Variants in ARID4A observed in about 807,000 individuals in gnomAD.
ARID4A encodes the protein AT-rich interaction domain 4A, also known as AT-rich interactive domain-containing protein 4A.
Under a neutral mutation model 148.6 loss-of-function variants are expected in ARID4A, and 39 were observed. That is an observed-to-expected ratio of 0.26 (90% CI 0.20 to 0.34). The LOEUF (loss-of-function observed/expected upper bound fraction) is 0.34, where lower values mean the gene tolerates loss of function less well. ARID4A is among the 10% of genes least tolerant of loss of function. The pLI, the probability that ARID4A is intolerant of heterozygous loss-of-function variation, is 1.00. For missense variants in ARID4A, 1,265 were observed against 1,449.1 expected, an observed-to-expected ratio of 0.87 and a Z score of 2.06; for synonymous variants, 475 against 481.2, an observed-to-expected ratio of 0.99 and a Z score of 0.17.
chr14:58,354,194 T>C (rs980483659), intron 17 of ARID4A, among the ~76,000 whole-genome samples: 1 of 152,178 alleles, frequency 6.6e-6, no homozygotes, highest in Non-Finnish European at 1.5e-5. Flanking sequence ...GGGAAAACAA[T>C]AATTCATAAT....
chr14:58,352,290 A>G (rs1477104014), intron 16 of ARID4A, among the ~76,000 whole-genome samples: 1 of 152,142 alleles, frequency 6.6e-6, no homozygotes, highest in Non-Finnish European at 1.5e-5. Context: ...ATTACATATG[A>G]CCTAGGTTAG....
At chr14:58,318,210 T>G (rs980866556) in intron 5 of ARID4A, among the ~76,000 whole-genome samples, 3 of 152,192 alleles carry the variant, frequency 2.0e-5, no homozygotes, top group African/African-American at 7.2e-5. Flanking sequence ...TAATCAGGTT[T>G]TTGTTCATTC....
chr14:58,362,860 C>A lies in ARID4A; in HGVS notation c.2081-1310C>A, dbSNP rs575098949. On this transcript the variant is annotated intron_variant, in intron 19 of 23. Transcript: ENST00000355431. Reference sequence around the variant, plus strand: ...GGTGTGAGCCACTGTGCCCGGCCACCAAAAAAGAAATTTTAAATGGTTGTC... The same window carrying A: ...GGTGTGAGCCACTGTGCCCGGCCACAAAAAAAGAAATTTTAAATGGTTGTC... Among the ~76,000 whole-genome samples, 483 of 152,040 alleles carry A rather than the reference C, an allele frequency of 3.2e-3. 2 individuals carry two copies. The highest frequency in any genetic ancestry group is 0.011 in the African/African-American group (461 of 41,476).
chr14:58,313,413 T>G (rs1004844201), intron 5 of ARID4A, among the ~76,000 whole-genome samples: 1 of 152,174 alleles, frequency 6.6e-6, no homozygotes, highest in African/African-American at 2.4e-5. Context: ...TCACAGGCAT[T>G]TGCGCTCCTA....
At chr14:58,360,630 T>C (rs1399045005) in intron 18 of ARID4A, among the ~76,000 whole-genome samples, 1 of 152,198 alleles carries the variant, frequency 6.6e-6, no homozygotes, top group Non-Finnish European at 1.5e-5. Context: ...TATTACAAAT[T>C]GTACAATATT....
chr14:58,329,064 A>C (rs2033375693), intron 9 of ARID4A, among the ~76,000 whole-genome samples: 1 of 152,186 alleles, frequency 6.6e-6, no homozygotes, highest in Admixed American at 6.5e-5. Context: ...AAAACAGTGA[A>C]ATTAAAAAAG....
At chr14:58,320,050 C>T (rs2032760563) in intron 7 of ARID4A, among the ~76,000 whole-genome samples, 2 of 147,424 alleles carry the variant, frequency 1.4e-5, no homozygotes, top group Non-Finnish European at 1.5e-5. Context: ...CAGGTTCAAA[C>T]GATTCTCCTG....
chr14:58,318,932 A>C, intron 7 of ARID4A, 127 bp downstream of exon 7: 1 of 707,296 alleles, frequency 1.4e-6, no homozygotes. Flanking sequence ...TATGTTAGAC[A>C]TTTTACCCTG....
chr14:58,328,202 A>T (rs1360624929), intron 8 of ARID4A, 35 bp from the exon 9 acceptor site: 9 of 1,417,874 alleles, frequency 6.3e-6, no homozygotes, highest in Non-Finnish European at 9.0e-6. Context: ...GAGCACAGGA[A>T]ATAGGAATCA....
At chr14:58,318,862 G>A (rs2032651165) in intron 7 of ARID4A, 57 bp downstream of exon 7, 3 of 1,424,022 alleles carry the variant, frequency 2.1e-6, no homozygotes, top group African/African-American at 1.4e-5. Context: ...CCTTAAACAA[G>A]GGATTTTGTT....
At chr14:58,347,971 A>ACCT in intron 15 of ARID4A, 93 bp downstream of exon 15, 1 of 833,186 alleles carries the variant, frequency 1.2e-6, no homozygotes, top group South Asian at 2.0e-5. Context: ...TACTACAGTG[A>ACCT]ACCTAGTTTA....
chr14:58,304,130 A>G (rs762268316), intron 3 of ARID4A, among the ~76,000 whole-genome samples: 12 of 151,886 alleles, frequency 7.9e-5, no homozygotes, highest in Admixed American at 2.0e-4. Context: ...AGATGTATCT[A>G]TGATTATTAT....
chr14:58,349,075 C>G (rs894605000), intron 15 of ARID4A, among the ~76,000 whole-genome samples: 1 of 152,102 alleles, frequency 6.6e-6, no homozygotes, highest in Non-Finnish European at 1.5e-5. Context: ...ATTTGATATT[C>G]TAGGTACTTT....
intron 7 of ARID4A, among the ~76,000 whole-genome samples, chr14:58,321,259 CAGTT>C (rs976880944): frequency 3.9e-5 from 6 of 152,196 alleles, no homozygotes; most frequent in Non-Finnish European, 7.3e-5. Context: ...TTGCCTGAAT[CAGTT>C]AGTACTATTA....
rs2031834826 is a variant in ARID4A at position 58,309,222 on chromosome 14, CTT to C, written c.274+3111_274+3112del. On this transcript the variant is annotated intron_variant, in intron 5 of 23. Coordinates refer to ENST00000355431, the MANE Select transcript of ARID4A (RefSeq NM_002892.4). The stretch of plus-strand genomic sequence containing the variant: ...CCCTGAATTCCTGGGCTCAAGCAGT[CTT>C]ACCGCCTTAGCCTCCCAAAGTGTTG... Among the ~76,000 whole-genome samples, 5 of 152,204 alleles carry C rather than the reference CTT, an allele frequency of 3.3e-5. 1 individual carries two copies. In the South Asian group the frequency reaches 1.0e-3, roughly 31 times the overall value.
chr14:58,360,879 A>G (rs532827019), intron 18 of ARID4A, 22 bp from the exon 19 acceptor site: 1 of 1,611,298 alleles, frequency 6.2e-7, no homozygotes, highest in African/African-American at 1.3e-5. Flanking sequence ...CCCTTCTCAT[A>G]CATTTTGTTG....
intron 2 of ARID4A, among the ~76,000 whole-genome samples, chr14:58,300,604 A>G (rs1010833073): frequency 2.6e-5 from 4 of 152,214 alleles, no homozygotes; most frequent in Non-Finnish European, 5.9e-5. Flanking sequence ...GCTCTGAAAT[A>G]TAGCATTTTC....
At chr14:58,318,352 CTG>C (rs1467371778) in intron 5 of ARID4A, among the ~76,000 whole-genome samples, 188 bp from the exon 6 acceptor site, 2 of 152,138 alleles carry the variant, frequency 1.3e-5, no homozygotes, top group Non-Finnish European at 2.9e-5. Flanking sequence ...GCCATTTAAC[CTG>C]TGTTTTTGGT....
chr14:58,371,711 C>T (rs947033368), intron 23 of ARID4A, among the ~76,000 whole-genome samples, 175 bp from the exon 24 acceptor site: 1 of 152,136 alleles, frequency 6.6e-6, no homozygotes, highest in Non-Finnish European at 1.5e-5. Flanking sequence ...AAGACTAACT[C>T]CACTTAATTG....
Sources: gnomAD v4.1 joint callset for allele counts (sites outside exome capture counted in the v4.1 genomes callset) on GRCh38, gnomAD v4.1.1 for gene constraint, MANE v1.5 for transcripts, NCBI Gene and HGNC (gene_info 2026-07-23, HGNC 2026-07-21) for gene names.